Variants in UBR4 observed in about 807,000 individuals in gnomAD.
UBR4 encodes E3 ubiquitin-protein ligase UBR4.
Under a neutral mutation model 575.6 loss-of-function variants are expected in UBR4, and 124 were observed. That is an observed-to-expected ratio of 0.22 (90% CI 0.19 to 0.25). The LOEUF (loss-of-function observed/expected upper bound fraction) is 0.25. Among genes scored for constraint, UBR4 ranks in the 10% least tolerant of loss-of-function variants. The pLI, the probability that UBR4 is intolerant of heterozygous loss-of-function variation, is 1.00. For missense variants in UBR4, 4,818 were observed against 6,478.8 expected (o/e 0.74, Z 8.80); for synonymous variants, 2,455 against 2,473.7 (o/e 0.99, Z 0.22).
chr1:19,089,120 A>G lies in UBR4; in HGVS notation c.14212-143T>C. The G allele has an allele frequency of 1.3e-6, 1 of 794,756 alleles. No homozygotes were observed. The highest frequency in any genetic ancestry group is 1.8e-5 in the South Asian group (1 of 57,066). 49.2% of individuals were successfully genotyped at this position (794,756 alleles called of 1,614,324 possible). A position where few individuals can be genotyped will look rare whatever the true frequency, so the allele number is the denominator to read the frequency against. On this transcript the variant is annotated intron_variant, in intron 97 of 105. Transcript: ENST00000375254. This position sits in a 1 kb window ranked among gnomAD's most constrained non-coding sequence, Gnocchi z 4.3. Reference sequence around the variant, plus strand: ...CTGCAATCAGGTCCTTTGATTCCACACTTTGACAGACACAGACAAATGGAA... The same window carrying G: ...CTGCAATCAGGTCCTTTGATTCCACGCTTTGACAGACACAGACAAATGGAA...
At chr1:19,080,562 G>A (rs551074929) in intron 103 of UBR4, 4 of 152,258 alleles carry the variant, frequency 2.6e-5, no homozygotes, top group East Asian at 1.9e-4. Flanking sequence ...TCACAAACCC[G>A]ATCTTCCAGA....
intron 97 of UBR4, among the ~76,000 whole-genome samples, chr1:19,090,461 C>T (rs1211091333): frequency 1.3e-5 from 2 of 152,160 alleles, no homozygotes; most frequent in Non-Finnish European, 2.9e-5. Flanking sequence ...TGCCTCGCCT[C>T]CGACTGCAGC....
chr1:19,088,983 A>G lies in UBR4; in HGVS notation c.14212-6T>C, dbSNP rs1480482150. ...GAATCAGTTCCAATCAGAACCTGCCAGTAAGAGACCAGAGAGACACATGCC... is the reference window on the plus strand; with the variant it reads ...GAATCAGTTCCAATCAGAACCTGCCGGTAAGAGACCAGAGAGACACATGCC... On this transcript the variant is annotated splice_polypyrimidine_tract_variant and splice_region_variant and intron_variant, in intron 97 of 105. Coordinates refer to ENST00000375254, the MANE Select transcript of UBR4 (RefSeq NM_020765.3). The surrounding 1 kb of genome is among the most constrained non-coding windows in gnomAD (Gnocchi z 4.0). 5.0e-6 allele frequency: 8 copies of G among 1,613,508 alleles called. No individual in the cohort carries two copies. Among genetic ancestry groups the G allele is most frequent in the Non-Finnish European group, 6.8e-6 (8 of 1,179,602 alleles).
At chr1:19,178,392 A>C (rs559526287) in intron 18 of UBR4, among the ~76,000 whole-genome samples, 19 of 152,330 alleles carry the variant, frequency 1.2e-4, no homozygotes, top group African/African-American at 4.6e-4. Flanking sequence ...TTGTGTGTTT[A>C]ACAAGGGTTT....
Position 19,119,562 on chromosome 1 carries a change from T to G in UBR4, c.10450A>C (p.Lys3484Gln), listed in dbSNP as rs374040980. 5 of 1,612,452 alleles carry G rather than the reference T, an allele frequency of 3.1e-6. No individual in the cohort carries two copies. In the African/African-American group the frequency reaches 6.7e-5, roughly 22 times the overall value. ...YFSLKTPQTE[K>Q]KLKEYSQKAV... ...GACCATAAAGCAACTGTTACCTTCT[T>G]CTCTGTTTGTGGAGTTTTCAGGGAG... The change falls in exon 70 of 106, where the codon AAG (lysine) becomes CAG (glutamine). Residue 3484 changes from lysine to glutamine, a missense_variant. Coordinates refer to ENST00000375254, the MANE Select transcript of UBR4 (RefSeq NM_020765.3).
intron 19 of UBR4, among the ~76,000 whole-genome samples, chr1:19,177,204 C>A (rs1169124383): frequency 1.3e-5 from 2 of 152,172 alleles, no homozygotes; most frequent in Non-Finnish European, 2.9e-5. Context: ...TAGAGCAGGG[C>A]AATTCGTGGG....
chr1:19,185,568 TTTTTC>T (rs2091443161), intron 14 of UBR4, among the ~76,000 whole-genome samples: 1 of 133,574 alleles, frequency 7.5e-6, no homozygotes, highest in Non-Finnish European at 1.6e-5. Flanking sequence ...ACTGATTTCT[TTTTTC>T]TTTTTTTTTT....
intron 91 of UBR4, 23 bp downstream of exon 91, chr1:19,097,170 C>T: frequency 7.5e-6 from 12 of 1,595,306 alleles, no homozygotes; most frequent in African/African-American, 1.3e-5. Flanking sequence ...GCCTCAGATC[C>T]AATGTGCAGT....
At chr1:19,166,950 A>T in intron 29 of UBR4, 72 bp downstream of exon 29, 1 of 1,506,980 alleles carries the variant, frequency 6.6e-7, no homozygotes, top group Non-Finnish European at 9.2e-7. Context: ...ACCTAAAGGC[A>T]GCAGTGTTAG....
chr1:19,203,239 G>T (rs992228581), intron 1 of UBR4, among the ~76,000 whole-genome samples: 1 of 152,084 alleles, frequency 6.6e-6, no homozygotes, highest in Non-Finnish European at 1.5e-5. Flanking sequence ...GGTGGCTCAA[G>T]CCTGTAATCC....
At chr1:19,170,376 G>A (rs938468916) in intron 26 of UBR4, among the ~76,000 whole-genome samples, 8 of 152,232 alleles carry the variant, frequency 5.3e-5, no homozygotes, top group South Asian at 2.1e-4. Context: ...TCCAGCCTGG[G>A]TGACAGGGCA....
chr1:19,151,812 C>T lies in UBR4; in HGVS notation c.7044G>A (p.Val2348=). ...IEISNNNSTM[V]MTGMRIQIGT... is the part of the protein sequence containing the mutation. The stretch of plus-strand genomic sequence containing the variant: ...CAATCTGGATCCGCATGCCTGTCAT[C>T]ACCATAGTGCTATTGTTGTTACTAA... The change falls in exon 48 of 106, where the codon GTG becomes GTA. Residue 2348 remains valine (V), a synonymous_variant. Transcript: ENST00000375254. The T allele has an allele frequency of 1.2e-6, 2 of 1,613,702 alleles. No homozygotes were observed. The highest frequency in any genetic ancestry group is 8.5e-7 in the Non-Finnish European group (1 of 1,179,766).
chr1:19,148,304 G>A (rs1193634569), intron 50 of UBR4, among the ~76,000 whole-genome samples, 177 bp from the exon 51 acceptor site: 1 of 152,078 alleles, frequency 6.6e-6, no homozygotes, highest in African/African-American at 2.4e-5. Flanking sequence ...CTTACCAGAG[G>A]AAGACATGGA....
At chr1:19,149,400 AG>A (rs2085333263) in intron 49 of UBR4, among the ~76,000 whole-genome samples, 1 of 152,194 alleles carries the variant, frequency 6.6e-6, no homozygotes, top group Non-Finnish European at 1.5e-5. Context: ...GAGGAAACTG[AG>A]GCATAAAACA....
chr1:19,122,795 T>G, intron 66 of UBR4, 38 bp downstream of exon 66: 1 of 1,612,018 alleles, frequency 6.2e-7, no homozygotes, highest in Non-Finnish European at 8.5e-7. Flanking sequence ...CCTTATCACA[T>G]CCCCCCTCCC....
intron 9 of UBR4, 50 bp from the exon 10 acceptor site, chr1:19,192,590 A>T: frequency 1.3e-6 from 2 of 1,597,070 alleles, no homozygotes. Flanking sequence ...GACAGATTTC[A>T]TCATAAATGC....
intron 20 of UBR4, 59 bp downstream of exon 20, chr1:19,176,533 T>C: frequency 1.3e-6 from 2 of 1,587,152 alleles, no homozygotes; most frequent in South Asian, 1.1e-5. Context: ...AAGCTTCAAA[T>C]TCAACCCCAC....
At chr1:19,163,651 T>A in intron 34 of UBR4, 113 bp downstream of exon 34, 1 of 1,158,170 alleles carries the variant, frequency 8.6e-7, no homozygotes, top group African/African-American at 1.5e-5. Flanking sequence ...AGCCTTATCC[T>A]TGGTAGGCTA....
chr1:19,118,628 T>C, intron 71 of UBR4: 1 of 459,690 alleles, frequency 2.2e-6, no homozygotes, highest in Admixed American at 3.8e-5. Flanking sequence ...TCTCACTATG[T>C]TGCCCAGGCT....
Sources: allele counts gnomAD v4.1 joint callset (sites outside exome capture counted in the v4.1 genomes callset), GRCh38; gene constraint gnomAD v4.1.1; non-coding constraint Gnocchi (gnomAD v3.1); transcripts MANE v1.5; gene names NCBI Gene and HGNC (gene_info 2026-07-23, HGNC 2026-07-21).